Variants in HINFP observed in about 807,000 individuals in gnomAD.
HINFP encodes MBD2 (methyl-CpG-binding protein)-interacting zinc finger protein.
Under a neutral mutation model 50.1 loss-of-function variants are expected in HINFP, and 20 were observed. The observed-to-expected ratio is 0.40, with a 90% confidence interval of 0.28 to 0.58. The LOEUF (loss-of-function observed/expected upper bound fraction) is 0.58, where lower values mean the gene tolerates loss of function less well. Ranked by LOEUF, HINFP falls within the 20% of genes least tolerant of loss-of-function variation. The pLI is 0.45. For missense variants in HINFP, 505 were observed against 664.1 expected, an observed-to-expected ratio of 0.76 and a Z score of 2.63; for synonymous variants, 247 against 243.7, an observed-to-expected ratio of 1.01 and a Z score of -0.13.
rs61753080 is a variant in HINFP at position 119,134,293 on chromosome 11, G to A, written c.1349G>A (p.Gly450Glu). 8.1e-3 allele frequency: 13,116 copies of A among 1,614,130 alleles called. 78 individuals carry two copies. Among genetic ancestry groups the A allele is most frequent in the Non-Finnish European group, 9.9e-3 (11,679 of 1,180,018 alleles). ...EEEEEGKGSE[G>E]TALSASQDNP... ...GAAGAGGAGGGCAAGGGTAGCGAAG[G>A]GACAGCCCTCTCAGCCTCTCAGGAC... is the stretch of plus-strand genomic sequence containing the variant. The change falls in exon 10 of 10, where the codon GGG (glycine) becomes GAG (glutamate). Residue 450 changes from glycine to glutamate, a missense_variant. Gly to Glu is a moderately conservative substitution (Grantham distance 98). Transcript: ENST00000350777. This position sits in a 1 kb window ranked among gnomAD's most constrained non-coding sequence, Gnocchi z 4.3.
At chr11:119,127,410 G>T in intron 2 of HINFP, 1 of 166,020 alleles carries the variant, frequency 6.0e-6, no homozygotes. Context: ...TTTAAATACA[G>T]ATGAATGTGC....
Position 119,134,062 on chromosome 11 carries a change from C to G in HINFP, c.1140-22C>G. On this transcript the variant is annotated intron_variant, in intron 9 of 9. Transcript: ENST00000350777. This position sits in a 1 kb window ranked among gnomAD's most constrained non-coding sequence, Gnocchi z 4.3. ...TATCCCCCTGCCTGGGTTTGCTGCC[C>G]TTTATGCTCCTACCTCACCAGGTAC... The G allele has an allele frequency of 6.2e-7, 1 of 1,613,972 alleles. No individual in the cohort carries two copies. Among genetic ancestry groups the G allele is most frequent in the Non-Finnish European group, 8.5e-7 (1 of 1,179,932 alleles).
chr11:119,133,511 G>A (rs1181328148), intron 9 of HINFP: 3 of 358,156 alleles, frequency 8.4e-6, no homozygotes, highest in African/African-American at 2.1e-5. Flanking sequence ...CCCAGAAGGC[G>A]GAGGTTGTAG....
chr11:119,131,917 G>GT lies in HINFP; in HGVS notation c.612dup (p.Gly205TrpfsTer52). The GT allele has an allele frequency of 6.2e-7, 1 of 1,614,034 alleles. No individual in the cohort carries two copies. The highest frequency in any genetic ancestry group is 1.3e-5 in the African/African-American group (1 of 74,988). ...GAGAAAGTGGTAGCCTGCCCCACCTGTGGGGGCATGTTTGCCAACAATACC... is the reference window on the plus strand; with the variant it reads ...GAGAAAGTGGTAGCCTGCCCCACCTGTTGGGGGCATGTTTGCCAACAATACC... On this transcript the variant is annotated frameshift_variant, in exon 5 of 10. Coordinates refer to ENST00000350777, the MANE Select transcript of HINFP (RefSeq NM_198971.3). LOFTEE classifies it high-confidence loss of function. This position sits in a 1 kb window ranked among gnomAD's most constrained non-coding sequence, Gnocchi z 4.2.
At position 119,131,495 on chromosome 11, in the gene HINFP, A is replaced by T; in HGVS notation, c.412-40A>T. ...CGGGCACATAGGGGTGAGTCCCTCT[A>T]CCCACCCTCAGTCCTCACCCCAAGT... On this transcript the variant is annotated intron_variant, in intron 3 of 9. Coordinates refer to ENST00000350777, the MANE Select transcript of HINFP (RefSeq NM_198971.3). The surrounding 1 kb of genome is among the most constrained non-coding windows in gnomAD (Gnocchi z 4.2). 2 of 1,383,276 alleles carry T rather than the reference A, an allele frequency of 1.4e-6. No homozygotes were observed. The highest frequency in any genetic ancestry group is 2.1e-6 in the Non-Finnish European group (2 of 969,094). The allele number at this position is 1,383,276 out of a possible 1,614,324, so 85.7% of individuals were successfully genotyped here.
Position 119,130,778 on chromosome 11 carries a change from TCTG to T in HINFP, c.239_241del (p.Ala80del), listed in dbSNP as rs1218868585. 2.5e-6 allele frequency: 4 copies of T among 1,614,224 alleles called. No homozygotes were observed. Among genetic ancestry groups the T allele is most frequent in the South Asian group, 2.2e-5 (2 of 91,088 alleles). On this transcript the variant is annotated inframe_deletion, in exon 3 of 10. Coordinates refer to ENST00000350777, the MANE Select transcript of HINFP (RefSeq NM_198971.3). ...ATGTGGCTTTTGTTCTCTGGACAGT[TCTG>T]CTGACCTCATCCGCCATGTCTACTT...
chr11:119,121,732 T>G (rs1473699694), intron 1 of HINFP, 93 bp downstream of exon 1: 1 of 152,452 alleles, frequency 6.6e-6, no homozygotes, highest in Non-Finnish European at 1.5e-5. Flanking sequence ...GCCACGCTGG[T>G]CTGCCCTGGT....
intron 2 of HINFP, 151 bp from the exon 3 acceptor site, chr11:119,130,574 A>T (rs1441271159): frequency 1.6e-6 from 1 of 635,524 alleles, no homozygotes; most frequent in African/African-American, 1.8e-5. Flanking sequence ...GTCATTAAAT[A>T]CTGGTATTTG....
rs552095875 is a variant in HINFP, at chr11:119,126,935, G to A, written c.-10G>A. On this transcript the variant is annotated splice_region_variant and 5_prime_UTR_variant, in exon 2 of 10. Coordinates refer to ENST00000350777, the MANE Select transcript of HINFP (RefSeq NM_198971.3). ...TGTGGATTTCTTCCTCTTCCTCTAG[G>A]GTGAAGGCCATGCCGCCTCCTGGGA... The A allele has an allele frequency of 6.8e-6, 11 of 1,609,334 alleles. No individual in the cohort carries two copies. The Admixed American group carries it at 8.4e-5, about 12-fold the overall frequency.
At position 119,132,882 on chromosome 11, in the gene HINFP, C is replaced by T. The variant is rs148039711; in HGVS notation, c.894C>T (p.Asp298=). 7 of 1,614,092 alleles carry T rather than the reference C, an allele frequency of 4.3e-6. No homozygotes were observed. In the African/African-American group the frequency reaches 5.3e-5, roughly 12 times the overall value. ...CCDYSCKNLI[D]LQKHLDTHSE... ...ATGGCAGCTGCAAGAATCTTATTGA[C>T]CTCCAGAAGCACCTGGATACCCACA... Residue 298 remains aspartate, a synonymous_variant, in exon 8 of 10, where the codon GAC becomes GAT. Coordinates refer to ENST00000350777, the MANE Select transcript of HINFP (RefSeq NM_198971.3).
chr11:119,132,117 C>T (rs1947794776), intron 5 of HINFP, 135 bp downstream of exon 5: 1 of 885,220 alleles, frequency 1.1e-6, no homozygotes, highest in Admixed American at 2.2e-5. Flanking sequence ...AGGCACCTCC[C>T]ATAGTCTCTT....
At chr11:119,126,667 G>C (rs1947425974) in intron 1 of HINFP, 1 of 289,664 alleles carries the variant, frequency 3.5e-6, no homozygotes, top group Non-Finnish European at 6.4e-6. Flanking sequence ...TTGCTCTGAA[G>C]CTTCATGAGA....
Position 119,132,501 on chromosome 11 carries a change from C to T in HINFP, c.682C>T (p.His228Tyr), listed in dbSNP as rs376530533. 104 of 1,614,018 alleles carry T rather than the reference C, an allele frequency of 6.4e-5. 1 individual carries two copies. The highest frequency in any genetic ancestry group is 3.2e-4 in the Admixed American group (19 of 59,994). The change falls in exon 6 of 10, where the codon CAC becomes TAC. Residue 228 changes from histidine to tyrosine, a missense_variant. His to Tyr is a moderately conservative substitution (Grantham distance 83). Coordinates refer to ENST00000350777, the MANE Select transcript of HINFP (RefSeq NM_198971.3). ...TTCTGCCTGCCCCACCCCAGAGCAG[C>T]ACTTCCAGTGTTCTCACTGTTCCAA... ...IRRQTSLDQQ[H>Y]FQCSHCSKRF...
intron 1 of HINFP, 158 bp from the exon 2 acceptor site, chr11:119,126,777 T>G (rs1054038690): frequency 1.7e-6 from 1 of 590,410 alleles, no homozygotes; most frequent in Non-Finnish European, 2.9e-6. Context: ...TCCAGGGATT[T>G]AAGGAATTAC....
intron 1 of HINFP, among the ~76,000 whole-genome samples, chr11:119,123,205 A>G (rs1947186116): frequency 6.6e-6 from 1 of 151,186 alleles, no homozygotes; most frequent in Non-Finnish European, 1.5e-5. Context: ...AGAGACAAAG[A>G]TGATTGAATC....
At position 119,131,855 on chromosome 11, in the gene HINFP, C is replaced by A. The variant is rs115817080; in HGVS notation, c.549C>A (p.Arg183=). The change falls in exon 5 of 10, where the codon CGC becomes CGA. Residue 183 remains arginine, a synonymous_variant. Coordinates refer to ENST00000350777, the MANE Select transcript of HINFP (RefSeq NM_198971.3). The surrounding 1 kb of genome is among the most constrained non-coding windows in gnomAD (Gnocchi z 4.2). ...WKGCTCTFKD[R]SKLREHLRSH... ...GCTGTACCTGCACCTTCAAGGACCG[C>A]AGTAAACTTCGAGAGCACCTCCGCA... 711 of 1,614,124 alleles carry A rather than the reference C, an allele frequency of 4.4e-4. 9 individuals are homozygous for A. The African/African-American group carries it at 8.4e-3, about 19-fold the overall frequency.
At chr11:119,133,046 G>A in intron 8 of HINFP, 44 bp downstream of exon 8, 2 of 1,614,146 alleles carry the variant, frequency 1.2e-6, no homozygotes, top group Non-Finnish European at 1.7e-6. Context: ...AAGTATGGGG[G>A]ACCCTGGGGT....
intron 1 of HINFP, among the ~76,000 whole-genome samples, chr11:119,122,307 G>T (rs1947114929): frequency 6.6e-6 from 1 of 152,118 alleles, no homozygotes; most frequent in South Asian, 2.1e-4. Flanking sequence ...CAGCTAGCTT[G>T]CCTCCTTGGA....
chr11:119,123,335 C>T (rs1186754161), intron 1 of HINFP, among the ~76,000 whole-genome samples: 1 of 151,946 alleles, frequency 6.6e-6, no homozygotes, highest in African/African-American at 2.4e-5. Context: ...GTAGAGAGGA[C>T]TCACCACAGG....
Sources: gnomAD v4.1 joint callset for allele counts (sites outside exome capture counted in the v4.1 genomes callset) on GRCh38, gnomAD v4.1.1 for gene constraint, Gnocchi (gnomAD v3.1) non-coding constraint, MANE v1.5 for transcripts, NCBI Gene and HGNC (gene_info 2026-07-23, HGNC 2026-07-21) for gene names.